Variants in KRT86 observed in about 807,000 individuals in gnomAD.
The protein encoded by KRT86 is keratin 86, also known as keratin, type II cuticular Hb6.
A neutral mutation model predicts 41.2 loss-of-function variants in KRT86; 30 were observed. The observed-to-expected ratio is 0.73, with a 90% CI of 0.54 to 0.99. KRT86 has a LOEUF of 0.99. Among genes scored for constraint, KRT86 ranks in the 50% least tolerant of loss-of-function variants. KRT86 has a pLI of 0.00. For synonymous variants in KRT86, 238 were observed against 238.1 expected (o/e 1.00, Z 0.00); for missense variants, 561 against 571.4 (o/e 0.98, Z 0.19).
Position 52,304,968 on chromosome 12 carries a change from G to A in KRT86, c.676G>A (p.Glu226Lys), listed in dbSNP as rs1938469934. The A allele has an allele frequency of 1.2e-6, 2 of 1,614,152 alleles. No individual in the cohort carries two copies. The highest frequency in any genetic ancestry group is 1.7e-6 in the Non-Finnish European group (2 of 1,180,028). ...CGCCTACCTCCGCAAATCAGACCTG[G>A]AGGCCAATGTGGAGGCCCTGATCCA... ...DCAYLRKSDLEANVEALIQEI... is the reference protein window; with the variant it reads ...DCAYLRKSDLKANVEALIQEI... The change falls in exon 6 of 11, where the codon GAG becomes AAG. Residue 226 changes from glutamate to lysine, a missense_variant. Transcript: ENST00000423955.
At chr12:52,304,373 C>G (rs1395231780) in intron 5 of KRT86, among the ~76,000 whole-genome samples, 2 of 127,824 alleles carry the variant, frequency 1.6e-5, no homozygotes, top group African/African-American at 6.1e-5. Context: ...TCTACCAGCA[C>G]CTACCTTGGG....
chr12:52,287,961 G>C, intron 2 of KRT86: 1 of 1,614,156 alleles, frequency 6.2e-7, no homozygotes, highest in Non-Finnish European at 8.5e-7. Flanking sequence ...ACGTCTAGCA[G>C]GCAGGTGTCC....
rs1398169144 is a variant in KRT86, at chr12:52,308,700, C to A, written c.*115C>A. On this transcript the variant is annotated 3_prime_UTR_variant, in exon 11 of 11. Transcript: ENST00000423955. Reference sequence around the variant, plus strand: ...CCCAATAGCCGCCGCCCGCTGCCTGCACTCTAAGCGCCCTCCCCACCGCTC... The same window carrying A: ...CCCAATAGCCGCCGCCCGCTGCCTGAACTCTAAGCGCCCTCCCCACCGCTC... The A allele has an allele frequency of 2.9e-6, 3 of 1,025,880 alleles. No homozygotes were observed. The highest frequency in any genetic ancestry group is 4.3e-6 in the Non-Finnish European group (3 of 693,248). The allele number at this position is 1,025,880 out of a possible 1,614,324, so 63.5% of individuals were successfully genotyped here. A position where few individuals can be genotyped will look rare whatever the true frequency, so the allele number is the denominator to read the frequency against.
At chr12:52,306,626 C>T (rs1938526789) in intron 9 of KRT86, 1 of 441,532 alleles carries the variant, frequency 2.3e-6, no homozygotes, top group Non-Finnish European at 4.2e-6. Flanking sequence ...AGGATTCCTT[C>T]TCTTTTTCCT....
intron 2 of KRT86, chr12:52,287,585 A>G (rs1937989856): frequency 6.2e-7 from 1 of 1,613,756 alleles, no homozygotes; most frequent in African/African-American, 1.3e-5. Context: ...TTGCGCACAG[A>G]TGCCCCATAC....
At chr12:52,276,330 G>A (rs187301553) in intron 2 of KRT86, among the ~76,000 whole-genome samples, 3 of 152,280 alleles carry the variant, frequency 2.0e-5, no homozygotes, top group Admixed American at 1.3e-4. Flanking sequence ...ATTTCAAAAT[G>A]TGAAGATCTG....
chr12:52,291,235 G>A (rs879276792), intron 2 of KRT86: 88 of 1,494,906 alleles, frequency 5.9e-5, no homozygotes, highest in Non-Finnish European at 7.5e-5. Flanking sequence ...CGGTGGTGAT[G>A]CATGGGGGAC....
Position 52,286,355 on chromosome 12 carries a change from T to A in KRT86, c.-5+10409T>A, listed in dbSNP as rs1326713020. 14 of 1,555,020 alleles carry A rather than the reference T, an allele frequency of 9.0e-6. No individual in the cohort carries two copies. In the Admixed American group the frequency reaches 9.7e-5, roughly 11 times the overall value. Reference sequence around the variant, plus strand: ...ACCCCCTCCGCAGGTGGTGTTCAATTGGCCGCAGGGCGCACACAGGCCGGT... The same window carrying A: ...ACCCCCTCCGCAGGTGGTGTTCAATAGGCCGCAGGGCGCACACAGGCCGGT... On this transcript the variant is annotated intron_variant, in intron 2 of 10. Transcript: ENST00000423955.
At position 52,288,445 on chromosome 12, in the gene KRT86, G is replaced by A. The variant is rs140435760; in HGVS notation, c.-5+12499G>A. ...CCAGGTCTGACTTGCGGAGGTAGGC[G>A]CAGTCCACATCCTGGAAAGGTGGGG... On this transcript the variant is annotated intron_variant, in intron 2 of 10. Coordinates refer to ENST00000423955, the MANE Select transcript of KRT86 (RefSeq NM_001320198.2). 53 of 1,613,994 alleles carry A rather than the reference G, an allele frequency of 3.3e-5. No homozygotes were observed. In the Admixed American group the frequency reaches 5.3e-4, roughly 16 times the overall value.
intron 2 of KRT86, chr12:52,277,552 G>A (rs1481031946): frequency 6.6e-6 from 1 of 152,424 alleles, no homozygotes; most frequent in East Asian, 1.9e-4. Flanking sequence ...AGCTCTGCAG[G>A]AGGAGGGTGG....
At chr12:52,286,270 GCTGCT>G in intron 2 of KRT86, 1 of 1,553,902 alleles carries the variant, frequency 6.4e-7, no homozygotes, top group Non-Finnish European at 8.7e-7. Flanking sequence ...ATTTCCGGCA[GCTGCT>G]GCCGCAAGAC....
intron 2 of KRT86, chr12:52,285,859 C>A: frequency 3.8e-6 from 1 of 264,314 alleles, no homozygotes; most frequent in South Asian, 4.8e-5. Flanking sequence ...CTTTGGGGAC[C>A]CTCCCTAACC....
chr12:52,291,339 C>G (rs756665762), intron 2 of KRT86: 5 of 1,569,220 alleles, frequency 3.2e-6, no homozygotes, highest in East Asian at 2.4e-5. Context: ...CCGAAGCCCC[C>G]GGTGAGGCCG....
chr12:52,283,470 ATTTTTTTTTTTTT>A (rs200241229), intron 2 of KRT86, among the ~76,000 whole-genome samples: 1 of 65,348 alleles, frequency 1.5e-5, no homozygotes, highest in African/African-American at 7.3e-5. Context: ...TAATCCAAGC[ATTTTTTTTTTTTT>A]TTTTTTTTTT....
chr12:52,294,969 A>C (rs1352713851), intron 2 of KRT86, among the ~76,000 whole-genome samples: 1 of 152,128 alleles, frequency 6.6e-6, no homozygotes, highest in Non-Finnish European at 1.5e-5. Context: ...TGTGGATTGC[A>C]CTCATTGCAT....
At chr12:52,308,319 G>A (rs1361699746) in intron 10 of KRT86, 55 bp downstream of exon 10, 4 of 1,613,532 alleles carry the variant, frequency 2.5e-6, no homozygotes, top group Non-Finnish European at 3.4e-6. Context: ...GAGCCTCTGG[G>A]CAAAGGGCGC....
rs1249424548 is a variant in KRT86, at chr12:52,286,421, C to G, written c.-5+10475C>G. The G allele has an allele frequency of 3.2e-6, 5 of 1,553,522 alleles. 1 individual carries two copies. The South Asian group carries it at 5.9e-5, about 18-fold the overall frequency. On this transcript the variant is annotated intron_variant, in intron 2 of 10. Coordinates refer to ENST00000423955, the MANE Select transcript of KRT86 (RefSeq NM_001320198.2). ...CCCGTTGCACGGAGCGCTGCAGACA[C>G]TGCCAGTCACTGGCCGGGAGCCTGA...
intron 2 of KRT86, among the ~76,000 whole-genome samples, chr12:52,293,054 T>C (rs756375772): frequency 3.1e-4 from 47 of 152,324 alleles, no homozygotes; most frequent in Non-Finnish European, 5.1e-4. Context: ...CATGGGAGGC[T>C]AAGGCAGGAG....
chr12:52,277,413 G>A (rs1026713725), intron 2 of KRT86: 5 of 152,196 alleles, frequency 3.3e-5, no homozygotes, highest in Non-Finnish European at 7.3e-5. Context: ...ATCCCTCATT[G>A]GCTCTGCAGC....
Sources: gnomAD v4.1 joint callset for allele counts (sites outside exome capture counted in the v4.1 genomes callset) on GRCh38, gnomAD v4.1.1 for gene constraint, MANE v1.5 for transcripts, NCBI Gene and HGNC (gene_info 2026-07-23, HGNC 2026-07-21) for gene names.